VIPR1: variants seen among roughly 807,000 people sequenced by gnomAD.
VIPR1 encodes the protein vasoactive intestinal peptide receptor 1.
VIPR1 carries 59 observed loss-of-function variants against 58.8 expected under a neutral mutation model. The observed-to-expected ratio is 1.00, with a 90% CI of 0.81 to 1.25. The LOEUF (loss-of-function observed/expected upper bound fraction) is 1.25, where lower values mean the gene tolerates loss of function less well. Ranked by LOEUF, VIPR1 falls within the 50% of genes most tolerant of loss-of-function variation. The pLI is 0.00. For synonymous variants in VIPR1, 251 were observed against 242.1 expected, an observed-to-expected ratio of 1.04 and a Z score of -0.34; for missense variants, 626 against 602.7, an observed-to-expected ratio of 1.04 and a Z score of -0.40.
In VIPR1 at chr3:42,530,857, T is replaced by C. The variant is rs775081511; in HGVS notation, c.715T>C (p.Tyr239His). 1 of 1,614,094 alleles carries C rather than the reference T, an allele frequency of 6.2e-7. No individual in the cohort carries two copies. Among genetic ancestry groups the C allele is most frequent in the East Asian group, 2.2e-5 (1 of 44,886 alleles). Residue 239 changes from tyrosine to histidine, a missense_variant, in exon 7 of 13, where the codon TAC becomes CAC. Coordinates refer to ENST00000325123, the MANE Select transcript of VIPR1 (RefSeq NM_004624.4). ...CTTCTGGCTGCTGGTGGAGGGCCTCTACCTGTACACCCTGCTTGCCGTCTC... is the reference window on the plus strand; with the variant it reads ...CTTCTGGCTGCTGGTGGAGGGCCTCCACCTGTACACCCTGCTTGCCGTCTC... ...NFFWLLVEGL[Y>H]LYTLLAVSFF...
rs1397028049 is a variant in VIPR1, at chr3:42,502,744, G to C, written c.9G>C (p.Pro3=). 2.3e-6 allele frequency: 3 copies of C among 1,312,768 alleles called. No homozygotes were observed. The highest frequency in any genetic ancestry group is 9.7e-7 in the Non-Finnish European group (1 of 1,033,698). The allele number at this position is 1,312,768 out of a possible 1,614,324, so 81.3% of individuals were successfully genotyped here. The part of the protein sequence containing the change: MR[P]PSPLPARWLC... ...CGGGCTCAGGGCAGACCATGCGCCC[G>C]CCAAGTCCGCTGCCCGCCCGCTGGC... is the stretch of plus-strand genomic sequence containing the variant. The change falls in exon 1 of 13, where the codon CCG becomes CCC. Residue 3 remains proline, a synonymous_variant. Transcript: ENST00000325123.
At chr3:42,515,327 T>C (rs559611637) in intron 2 of VIPR1, among the ~76,000 whole-genome samples, 2 of 152,294 alleles carry the variant, frequency 1.3e-5, no homozygotes, top group Admixed American at 1.3e-4. Context: ...GGACAACCCC[T>C]TGACTCTAGG....
chr3:42,495,674 C>T (rs1374218866), intron 1 of VIPR1, among the ~76,000 whole-genome samples: 2 of 151,804 alleles, frequency 1.3e-5, no homozygotes, highest in Non-Finnish European at 2.9e-5. Flanking sequence ...CTCTTGCTGG[C>T]CTGTCAAAAA....
At position 42,527,383 on chromosome 3, in the gene VIPR1, C is replaced by T. The variant is rs1425618530; in HGVS notation, c.400-10C>T. 3 of 1,612,964 alleles carry T rather than the reference C, an allele frequency of 1.9e-6. No homozygotes were observed. The highest frequency in any genetic ancestry group is 2.5e-6 in the Non-Finnish European group (3 of 1,179,330). The stretch of plus-strand genomic sequence containing the variant: ...CACCACCCAAGAGCCTCTCCCTGTC[C>T]CTCCAACAGCAGCAGACCATGTTCT... On this transcript the variant is annotated splice_polypyrimidine_tract_variant and intron_variant, in intron 4 of 12. Transcript: ENST00000325123.
At chr3:42,489,351 A>C (rs896909985) in exon 1 of VIPR1, 1 of 152,134 alleles carries the variant, frequency 6.6e-6, no homozygotes, top group Non-Finnish European at 1.5e-5. Context: ...GTTCCAGCAA[A>C]AGCCCCAGGG....
intron 1 of VIPR1, among the ~76,000 whole-genome samples, chr3:42,489,892 T>C (rs1699635785): frequency 6.6e-6 from 1 of 152,056 alleles, no homozygotes; most frequent in African/African-American, 2.4e-5. Flanking sequence ...TTCTACCTTC[T>C]CTCCACTCTC....
chr3:42,529,894 A>T (rs1223267779), intron 6 of VIPR1: 2 of 151,912 alleles, frequency 1.3e-5, no homozygotes, highest in African/African-American at 4.8e-5. Flanking sequence ...TAAGAAACCC[A>T]TTCTTCCACT....
chr3:42,511,372 G>A (rs1324349684), intron 1 of VIPR1, among the ~76,000 whole-genome samples: 1 of 152,180 alleles, frequency 6.6e-6, no homozygotes, highest in Non-Finnish European at 1.5e-5. Context: ...TCCTGGCTCT[G>A]AGTAGCCTGA....
chr3:42,521,259 G>A (rs564429535), intron 3 of VIPR1: 6 of 152,234 alleles, frequency 3.9e-5, no homozygotes, highest in South Asian at 2.1e-4. Context: ...GTCCTTCCTC[G>A]GGCAGAGATG....
At chr3:42,519,518 A>G (rs1276753939) in intron 3 of VIPR1, 188 bp downstream of exon 3, 5 of 482,550 alleles carry the variant, frequency 1.0e-5, no homozygotes, top group Non-Finnish European at 1.8e-5. Context: ...CTCTTCACAT[A>G]AAGATAAGCA....
intron 1 of VIPR1, chr3:42,512,601 C>A (rs2125643646): frequency 9.0e-6 from 3 of 333,860 alleles, no homozygotes; most frequent in African/African-American, 4.5e-5. Flanking sequence ...GCCCACGTAG[C>A]CTACAGAGAA....
intron 2 of VIPR1, among the ~76,000 whole-genome samples, chr3:42,514,934 G>A (rs1700550369): frequency 6.6e-6 from 1 of 152,232 alleles, no homozygotes; most frequent in African/African-American, 2.4e-5. Context: ...GAAACAGAGA[G>A]TCTGGGAAGG....
At chr3:42,505,766 G>T (rs1315980927) in intron 1 of VIPR1, among the ~76,000 whole-genome samples, 1 of 152,218 alleles carries the variant, frequency 6.6e-6, no homozygotes, top group Non-Finnish European at 1.5e-5. Flanking sequence ...GCAATGGCTT[G>T]ACCTTGGGAA....
chr3:42,534,720 T>G, intron 10 of VIPR1: 1 of 364,076 alleles, frequency 2.7e-6, no homozygotes, highest in Non-Finnish European at 5.0e-6. Context: ...TCCAGAAGGG[T>G]GAGAATAGAG....
At chr3:42,518,989 C>T (rs568591104) in intron 2 of VIPR1, among the ~76,000 whole-genome samples, 12 of 152,278 alleles carry the variant, frequency 7.9e-5, no homozygotes, top group South Asian at 4.1e-4. Flanking sequence ...CCCCAGGGGG[C>T]GCTCCATCCC....
rs895780741 is a variant in VIPR1 at position 42,537,223 on chromosome 3, G to A, written c.*942G>A. Reference sequence around the variant, plus strand: ...TGACAGAAAGCAGATACCTCACCCTGCTACACATACAGGATTTGAACTCAG... The same window carrying A: ...TGACAGAAAGCAGATACCTCACCCTACTACACATACAGGATTTGAACTCAG... On this transcript the variant is annotated 3_prime_UTR_variant, in exon 13 of 13. Transcript: ENST00000325123. The A allele has an allele frequency of 2.1e-4, 32 of 152,222 alleles. No individual in the cohort carries two copies. Among genetic ancestry groups the A allele is most frequent in the African/African-American group, 7.7e-4 (32 of 41,466 alleles). The allele number at this position is 152,222 out of a possible 1,614,324, so 9.4% of individuals were successfully genotyped here.
chr3:42,511,261 G>A (rs186156850), intron 1 of VIPR1, among the ~76,000 whole-genome samples: 3 of 152,346 alleles, frequency 2.0e-5, no homozygotes, highest in African/African-American at 7.2e-5. Flanking sequence ...CAAGAAGACA[G>A]CAGAAGCTTG....
chr3:42,513,719 C>T (rs971343890), intron 1 of VIPR1, 30 bp from the exon 2 acceptor site: 9 of 1,549,504 alleles, frequency 5.8e-6, no homozygotes, highest in Non-Finnish European at 7.9e-6. Flanking sequence ...ATGGACGAGG[C>T]TGATGGGCCC....
upstream of VIPR1, among the ~76,000 whole-genome samples, chr3:42,498,283 C>T (rs1348537560): frequency 6.6e-6 from 1 of 152,244 alleles, no homozygotes; most frequent in Non-Finnish European, 1.5e-5. Context: ...TCTTCCCAGA[C>T]AGCCCCAGAC....
Sources: gnomAD v4.1 joint callset for allele counts (sites outside exome capture counted in the v4.1 genomes callset) on GRCh38, gnomAD v4.1.1 for gene constraint, MANE v1.5 for transcripts, NCBI Gene and HGNC (gene_info 2026-07-23, HGNC 2026-07-21) for gene names.